SIPA1L1: variants seen among roughly 807,000 people sequenced by gnomAD.
SIPA1L1 encodes the protein signal induced proliferation associated 1 like 1.
SIPA1L1 carries 26 observed loss-of-function variants against 162.7 expected under a neutral mutation model. The ratio of observed to expected loss-of-function variants is 0.16; its 90% CI spans 0.12 to 0.22. The LOEUF is 0.22. Ranked by LOEUF, SIPA1L1 falls within the 10% of genes least tolerant of loss-of-function variation. The probability of loss-of-function intolerance (pLI) is 1.00; values close to 1 mark genes in which losing one functional copy is unlikely to be tolerated. For missense variants in SIPA1L1, 1,874 were observed against 2,241.0 expected, an observed-to-expected ratio of 0.84 and a Z score of 3.31; for synonymous variants, 829 against 837.4, an observed-to-expected ratio of 0.99 and a Z score of 0.17.
In SIPA1L1 at chr14:71,649,237, G is replaced by A. The variant is rs1313882344; in HGVS notation, c.1819-1098G>A. ...AGACAGAGTTTTGCTCTGTTGCCCA[G>A]GCTGGAGTATGTGGTACAGTCATGA... is the stretch of plus-strand genomic sequence containing the variant. On this transcript the variant is annotated intron_variant, in intron 7 of 23. Coordinates refer to ENST00000381232, the MANE Select transcript of SIPA1L1 (RefSeq NM_001386936.1). Among the ~76,000 whole-genome samples, 3 of 145,752 alleles carry A rather than the reference G, an allele frequency of 2.1e-5. No homozygotes were observed. In the South Asian group the frequency reaches 6.4e-4, roughly 31 times the overall value.
At chr14:71,541,630 G>T (rs868333332) in intron 4 of SIPA1L1, among the ~76,000 whole-genome samples, 1 of 151,896 alleles carries the variant, frequency 6.6e-6, no homozygotes, top group African/African-American at 2.4e-5. Context: ...AAAATTAGCC[G>T]GGCATGTTGG....
At chr14:71,573,845 G>C (rs1486672676) in intron 4 of SIPA1L1, 1 of 387,740 alleles carries the variant, frequency 2.6e-6, no homozygotes, top group African/African-American at 2.1e-5. Flanking sequence ...GTTTTGATTT[G>C]TATGCCTTTG....
intron 4 of SIPA1L1, among the ~76,000 whole-genome samples, chr14:71,585,835 G>A (rs1431721351): frequency 6.6e-6 from 1 of 152,148 alleles, no homozygotes; most frequent in Non-Finnish European, 1.5e-5. Context: ...TGTTGAACAG[G>A]TGTTTGCATT....
At chr14:71,386,852 A>G (rs1443437769) in intron 2 of SIPA1L1, among the ~76,000 whole-genome samples, 1 of 152,222 alleles carries the variant, frequency 6.6e-6, no homozygotes, top group African/African-American at 2.4e-5. Flanking sequence ...CCAGGATCCA[A>G]ACTTGAGTAC....
At chr14:71,395,395 C>T (rs1347811109) in intron 2 of SIPA1L1, among the ~76,000 whole-genome samples, 1 of 152,018 alleles carries the variant, frequency 6.6e-6, no homozygotes, top group East Asian at 1.9e-4. Context: ...GTGTGGTGGC[C>T]ATGTCTGTAA....
chr14:71,714,764 T>C (rs1022931622), intron 17 of SIPA1L1, among the ~76,000 whole-genome samples: 13 of 152,256 alleles, frequency 8.5e-5, no homozygotes, highest in African/African-American at 2.6e-4. Context: ...AATATTTTTA[T>C]AGAGACAGGG....
intron 2 of SIPA1L1, among the ~76,000 whole-genome samples, chr14:71,428,237 TC>T (rs527889524): frequency 1.4e-3 from 212 of 151,770 alleles, no homozygotes; most frequent in Middle Eastern, 3.4e-3. Context: ...CTCAGGTGAT[TC>T]CCCCCACCTC....
intron 2 of SIPA1L1, among the ~76,000 whole-genome samples, chr14:71,409,489 C>G (rs1317888120): frequency 3.3e-5 from 5 of 152,056 alleles, no homozygotes; most frequent in Non-Finnish European, 7.4e-5. Flanking sequence ...TAATGGGAGC[C>G]AGATTTACTA....
At chr14:71,631,957 A>G (rs1265014794) in intron 7 of SIPA1L1, among the ~76,000 whole-genome samples, 2 of 152,076 alleles carry the variant, frequency 1.3e-5, no homozygotes, top group African/African-American at 4.8e-5. Context: ...AATTAGAACA[A>G]TTTTTTTTGT....
rs139835222 is a variant in SIPA1L1, at chr14:71,659,543, C to T, written c.2097+1107C>T. Among the ~76,000 whole-genome samples, 27 of 152,170 alleles carry T rather than the reference C, an allele frequency of 1.8e-4. No individual in the cohort carries two copies. The East Asian group carries it at 4.0e-3, about 23-fold the overall frequency. The stretch of plus-strand genomic sequence containing the variant: ...TATGCAAATTCCAGATTTTAGCTCT[C>T]TTTGAAAGAAAAACACCATGCTAAG... On this transcript the variant is annotated intron_variant, in intron 9 of 23. Coordinates refer to ENST00000381232, the MANE Select transcript of SIPA1L1 (RefSeq NM_001386936.1).
chr14:71,668,195 G>A (rs1380995229), intron 10 of SIPA1L1, among the ~76,000 whole-genome samples: 26 of 152,170 alleles, frequency 1.7e-4, no homozygotes, highest in Admixed American at 1.7e-3. Flanking sequence ...AGTAGAAATA[G>A]CCTCATCATC....
intron 2 of SIPA1L1, among the ~76,000 whole-genome samples, chr14:71,336,403 C>A (rs780859902): frequency 2.6e-5 from 4 of 152,188 alleles, no homozygotes; most frequent in African/African-American, 7.2e-5. Context: ...CTACCACTAA[C>A]CTACTTTCTG....
rs562804399 is a variant in SIPA1L1 at position 71,388,322 on chromosome 14, A to G, written c.-465+67141A>G. On this transcript the variant is annotated intron_variant, in intron 2 of 23. Coordinates refer to ENST00000381232, the MANE Select transcript of SIPA1L1 (RefSeq NM_001386936.1). ...ATCTAGACTTTAATTGACCCAAGCT[A>G]CAAAGAAGTTAAGTCTAATTTATCT... is the stretch of plus-strand genomic sequence containing the variant. Among the ~76,000 whole-genome samples, 204 of 152,358 alleles carry G rather than the reference A, an allele frequency of 1.3e-3. 2 individuals are homozygous for G. Among genetic ancestry groups the G allele is most frequent in the African/African-American group, 4.5e-3 (186 of 41,588 alleles).
chr14:71,659,432 G>C lies in SIPA1L1; in HGVS notation c.2097+996G>C, dbSNP rs79152735. 8.3e-4 allele frequency among the ~76,000 whole-genome samples: 127 copies of C among 152,230 alleles called. 2 individuals are homozygous for C. The East Asian group carries it at 0.024, about 29-fold the overall frequency. ...GATTGCCAGTGTAATAAAAAATAGAGAGCAAAGCAATGAATCAGCTATAAA... is the reference window on the plus strand; with the variant it reads ...GATTGCCAGTGTAATAAAAAATAGACAGCAAAGCAATGAATCAGCTATAAA... On this transcript the variant is annotated intron_variant, in intron 9 of 23. Transcript: ENST00000381232.
rs1408182717 is a variant in SIPA1L1, at chr14:71,671,631, G to A, written c.2768G>A (p.Cys923Tyr). The change falls in exon 11 of 24, where the codon TGT (cysteine) becomes TAT (tyrosine). Residue 923 changes from cysteine to tyrosine, a missense_variant. Physicochemically the swap from Cys to Tyr is radical, Grantham distance 194. Coordinates refer to ENST00000381232, the MANE Select transcript of SIPA1L1 (RefSeq NM_001386936.1). The stretch of plus-strand genomic sequence containing the variant: ...AAAATCTTCTATGAACGAGGAGAAT[G>A]TGTTTCAGTGGGTAGTTTTATTAAC... ...SLKIFYERGE[C>Y]VSVGSFINIE... The A allele has an allele frequency of 1.2e-6, 2 of 1,613,832 alleles. No individual in the cohort carries two copies. The highest frequency in any genetic ancestry group is 1.7e-6 in the Non-Finnish European group (2 of 1,179,914).
At chr14:71,723,602 A>G (rs1181246227) in intron 17 of SIPA1L1, 45 bp from the exon 18 acceptor site, 7 of 1,608,424 alleles carry the variant, frequency 4.4e-6, no homozygotes, top group African/African-American at 4.0e-5. Flanking sequence ...TATAGCTGAC[A>G]TAATGATCCT....
intron 5 of SIPA1L1, among the ~76,000 whole-genome samples, chr14:71,604,855 T>C (rs947043565): frequency 9.2e-5 from 14 of 152,184 alleles, no homozygotes; most frequent in African/African-American, 3.4e-4. Context: ...CAAAATGTGC[T>C]GTGGAGAAGA....
chr14:71,486,149 C>T (rs1220151332), intron 2 of SIPA1L1, among the ~76,000 whole-genome samples: 5 of 152,190 alleles, frequency 3.3e-5, no homozygotes, highest in Non-Finnish European at 5.9e-5. Flanking sequence ...ATTTTTAATA[C>T]CCTAAATGTA....
chr14:71,379,579 G>A (rs998644793), intron 2 of SIPA1L1: 5 of 152,288 alleles, frequency 3.3e-5, no homozygotes, highest in African/African-American at 1.2e-4. Flanking sequence ...TTATAGGCGT[G>A]AGCCACTGCA....
Sources: allele counts gnomAD v4.1 joint callset (sites outside exome capture counted in the v4.1 genomes callset), GRCh38; gene constraint gnomAD v4.1.1; transcripts MANE v1.5; gene names NCBI Gene and HGNC (gene_info 2026-07-23, HGNC 2026-07-21).